BCAS4: variants seen among roughly 807,000 people sequenced by gnomAD.
BCAS4 encodes the protein breast carcinoma-amplified sequence 4.
A neutral mutation model predicts 15.7 loss-of-function variants in BCAS4; 9 were observed. The ratio of observed to expected loss-of-function variants is 0.57; its 90% CI spans 0.34 to 1.00. The LOEUF is 1.00. BCAS4 is among the 50% of genes least tolerant of loss of function. The pLI is 0.02. For synonymous variants in BCAS4, 101 were observed against 99.5 expected, an observed-to-expected ratio of 1.02 and a Z score of -0.09; for missense variants, 225 against 239.1, an observed-to-expected ratio of 0.94 and a Z score of 0.39.
Position 50,853,254 on chromosome 20 carries a change from C to T in BCAS4, c.399+11354C>T, listed in dbSNP as rs1978545243. On this transcript the variant is annotated intron_variant, in intron 4 of 4. Transcript: ENST00000371608. ...CCGCCTCCCGGGTTCAACCAATTCT[C>T]CTGCCTCAGCTTCCCAAGTAGCTGG... 3.3e-5 allele frequency among the ~76,000 whole-genome samples: 5 copies of T among 149,860 alleles called. No homozygotes were observed. In the South Asian group the frequency reaches 1.1e-3, roughly 32 times the overall value.
intron 4 of BCAS4, among the ~76,000 whole-genome samples, chr20:50,857,482 G>A (rs1241603871): frequency 6.6e-6 from 1 of 152,186 alleles, no homozygotes; most frequent in African/African-American, 2.4e-5. Context: ...GCCCTATGAG[G>A]TAGGAGCAAT....
intron 1 of BCAS4, among the ~76,000 whole-genome samples, chr20:50,808,263 C>T (rs577452752): frequency 5.3e-5 from 8 of 152,138 alleles, no homozygotes; most frequent in African/African-American, 1.4e-4. Flanking sequence ...TGGGCTGGTT[C>T]CATATTTTTG....
chr20:50,810,752 G>A (rs767064097), intron 1 of BCAS4, among the ~76,000 whole-genome samples: 17 of 151,928 alleles, frequency 1.1e-4, no homozygotes, highest in Non-Finnish European at 2.1e-4. Flanking sequence ...AACAACGCCC[G>A]GCTAATTTTT....
intron 4 of BCAS4, among the ~76,000 whole-genome samples, chr20:50,850,207 G>A (rs1978337696): frequency 6.6e-6 from 1 of 152,214 alleles, no homozygotes; most frequent in Admixed American, 6.5e-5. Context: ...TACTGTATAC[G>A]AAGGGCTTTC....
intron 4 of BCAS4, among the ~76,000 whole-genome samples, chr20:50,856,307 G>A (rs779524707): frequency 3.3e-5 from 5 of 152,218 alleles, no homozygotes; most frequent in Admixed American, 6.5e-5. Context: ...AAAATAAACC[G>A]TGTCTCATTA....
At chr20:50,828,021 C>T (rs1173167686) in intron 2 of BCAS4, among the ~76,000 whole-genome samples, 1 of 152,128 alleles carries the variant, frequency 6.6e-6, no homozygotes, top group Non-Finnish European at 1.5e-5. Context: ...AGCCACTGTG[C>T]CCGGCCTTCA....
chr20:50,872,487 C>T (rs1488445132), intron 4 of BCAS4, among the ~76,000 whole-genome samples: 2 of 150,766 alleles, frequency 1.3e-5, no homozygotes, highest in Non-Finnish European at 2.9e-5. Context: ...AGGAGAATGG[C>T]GTGAACCCAG....
Position 50,796,837 on chromosome 20 carries a change from AT to A in BCAS4, c.90+1677del, listed in dbSNP as rs540602377. On this transcript the variant is annotated intron_variant, in intron 1 of 4. Transcript: ENST00000371608. The stretch of plus-strand genomic sequence containing the variant: ...AATAATTTTTGAACAGACGTTTTTA[AT>A]TTTTTTTTTTTTGACAGGGTTTCAC... Among the ~76,000 whole-genome samples, 1,107 of 140,876 alleles carry A rather than the reference AT, an allele frequency of 7.9e-3. 8 individuals are homozygous for A. Among genetic ancestry groups the A allele is most frequent in the African/African-American group, 0.024 (936 of 38,420 alleles). 92.4% of individuals were successfully genotyped at this position (140,876 alleles called of 152,430 possible).
intron 1 of BCAS4, among the ~76,000 whole-genome samples, chr20:50,802,924 G>A (rs2087945869): frequency 6.6e-6 from 1 of 151,952 alleles, no homozygotes; most frequent in African/African-American, 2.4e-5. Flanking sequence ...GCTCATGCCT[G>A]TAATCCCAAC....
intron 2 of BCAS4, among the ~76,000 whole-genome samples, chr20:50,819,063 A>T (rs1236272817): frequency 1.3e-5 from 2 of 152,096 alleles, no homozygotes; most frequent in Admixed American, 1.3e-4. Flanking sequence ...GGCGCCTGTA[A>T]TCTTAGCTAC....
rs2123821204 is a variant in BCAS4 at position 50,851,266 on chromosome 20, A to T, written c.399+9366A>T. On this transcript the variant is annotated intron_variant, in intron 4 of 4. Coordinates refer to ENST00000371608, the MANE Select transcript of BCAS4 (RefSeq NM_198799.4). This position sits in a 1 kb window ranked among gnomAD's most constrained non-coding sequence, Gnocchi z 4.3. The stretch of plus-strand genomic sequence containing the variant: ...TCCTGCTGCCCCCATCAGCCCTTGC[A>T]GTAAAAATGCAGCAGGAGCAGATAG... Among the ~76,000 whole-genome samples the T allele has an allele frequency of 1.3e-5, 2 of 152,260 alleles. No homozygotes were observed. The highest frequency in any genetic ancestry group is 4.8e-5 in the African/African-American group (2 of 41,552).
chr20:50,838,876 A>G (rs1186250210), intron 3 of BCAS4, among the ~76,000 whole-genome samples: 8 of 151,986 alleles, frequency 5.3e-5, no homozygotes, highest in Admixed American at 2.0e-4. Flanking sequence ...AAACACCCAC[A>G]CACACAAGCA....
chr20:50,855,973 G>A (rs527911514), intron 4 of BCAS4, among the ~76,000 whole-genome samples: 1 of 152,346 alleles, frequency 6.6e-6, no homozygotes, highest in Admixed American at 6.5e-5. Flanking sequence ...ACGAGCTCAA[G>A]GGAAGCTGCA....
intron 2 of BCAS4, among the ~76,000 whole-genome samples, chr20:50,828,266 G>C (rs1426307892): frequency 1.3e-5 from 2 of 151,996 alleles, no homozygotes; most frequent in Non-Finnish European, 2.9e-5. Context: ...AGATGGCAGT[G>C]CTGTGACCAG....
At chr20:50,807,999 C>T (rs2088014430) in intron 1 of BCAS4, among the ~76,000 whole-genome samples, 1 of 151,614 alleles carries the variant, frequency 6.6e-6, no homozygotes, top group Non-Finnish European at 1.5e-5. Context: ...GCTCCGCCTC[C>T]TGGGTTCACG....
At chr20:50,858,191 A>G (rs1322052232) in intron 4 of BCAS4, among the ~76,000 whole-genome samples, 1 of 152,172 alleles carries the variant, frequency 6.6e-6, no homozygotes, top group African/African-American at 2.4e-5. Flanking sequence ...GTTATCAAAA[A>G]TCCATGGGTG....
intron 3 of BCAS4, among the ~76,000 whole-genome samples, chr20:50,832,276 T>A (rs934937697): frequency 6.6e-6 from 1 of 151,154 alleles, no homozygotes; most frequent in African/African-American, 2.4e-5. Context: ...TTTTTTTTTT[T>A]AGATGGAGTC....
intron 2 of BCAS4, among the ~76,000 whole-genome samples, chr20:50,826,095 C>A (rs991488062): frequency 1.3e-5 from 2 of 152,140 alleles, no homozygotes; most frequent in Admixed American, 1.3e-4. Flanking sequence ...CAGAAGGATA[C>A]GATTCAAGTT....
intron 1 of BCAS4, among the ~76,000 whole-genome samples, chr20:50,801,356 G>A (rs570449857): frequency 3.2e-4 from 49 of 152,252 alleles, no homozygotes; most frequent in Middle Eastern, 6.8e-3. Context: ...AACCCGGGAG[G>A]TGGAAGTTGC....
Sources: gnomAD v4.1 joint callset for allele counts (sites outside exome capture counted in the v4.1 genomes callset) on GRCh38, gnomAD v4.1.1 for gene constraint, Gnocchi (gnomAD v3.1) non-coding constraint, MANE v1.5 for transcripts, NCBI Gene and HGNC (gene_info 2026-07-23, HGNC 2026-07-21) for gene names.